Variants in WAC observed in about 807,000 individuals in gnomAD.
WAC encodes the protein WW domain-containing adapter protein with coiled-coil.
A neutral mutation model predicts 79.6 loss-of-function variants in WAC; 11 were observed. That is an observed-to-expected ratio of 0.14 (90% CI 0.09 to 0.23). The LOEUF (loss-of-function observed/expected upper bound fraction) is 0.23. WAC is among the 10% of genes least tolerant of loss of function. The pLI is 1.00. For synonymous variants in WAC, 304 were observed against 276.9 expected, an observed-to-expected ratio of 1.10 and a Z score of -0.97; for missense variants, 728 against 773.5, an observed-to-expected ratio of 0.94 and a Z score of 0.70.
intron 7 of WAC, among the ~76,000 whole-genome samples, chr10:28,603,943 AT>A (rs59871212): frequency 0.39 from 15,034 of 38,358 alleles, 3,392 homozygotes; most frequent in East Asian, 0.59. Flanking sequence ...CAAAAAAAAA[AT>A]ATATATATGT....
intron 3 of WAC, among the ~76,000 whole-genome samples, chr10:28,545,156 C>G (rs561730822): frequency 2.0e-4 from 30 of 152,058 alleles, no homozygotes; most frequent in Non-Finnish European, 3.5e-4. Flanking sequence ...GACTCCCTCC[C>G]CATTACCCAG....
chr10:28,553,758 A>C (rs1837832348), intron 3 of WAC, among the ~76,000 whole-genome samples: 1 of 152,168 alleles, frequency 6.6e-6, no homozygotes, highest in Non-Finnish European at 1.5e-5. Flanking sequence ...TATTTGGGGG[A>C]ATAAAAGGAT....
chr10:28,614,727 A>G (rs770472101), intron 11 of WAC, 42 bp downstream of exon 11: 1 of 1,430,078 alleles, frequency 7.0e-7, no homozygotes, highest in South Asian at 1.2e-5. Context: ...GTTTTATTTA[A>G]TGATGGTACA....
chr10:28,535,682 A>T lies in WAC; in HGVS notation c.199A>T (p.Asn67Tyr). 6.2e-7 allele frequency: 1 copy of T among 1,614,134 alleles called. No individual in the cohort carries two copies. The highest frequency in any genetic ancestry group is 1.7e-5 in the Admixed American group (1 of 60,020). ...KMLRRSDSPE[N>Y]KYSDSTGHSK... is the part of the protein sequence containing the mutation. The stretch of plus-strand genomic sequence containing the variant: ...GTTGCGGAGATCTGATAGTCCTGAA[A>T]ACAAATACAGTGACAGCACAGGTCA... Residue 67 changes from asparagine to tyrosine, a missense_variant, in exon 3 of 14, where the codon AAC (asparagine) becomes TAC (tyrosine). Around this residue, in one of 3 missense-constraint regions of WAC, gnomAD observed 648 missense variants for 661.5 expected, o/e 0.98. Coordinates refer to ENST00000354911, the MANE Select transcript of WAC (RefSeq NM_016628.5).
At chr10:28,552,514 C>G (rs1022419404) in intron 3 of WAC, among the ~76,000 whole-genome samples, 1 of 152,098 alleles carries the variant, frequency 6.6e-6, no homozygotes. Flanking sequence ...TGTAGTTTTA[C>G]TTTAGAAGAC....
chr10:28,586,108 G>A (rs182535179), intron 4 of WAC, among the ~76,000 whole-genome samples: 1 of 152,242 alleles, frequency 6.6e-6, no homozygotes, highest in East Asian at 1.9e-4. Flanking sequence ...GATACAAACA[G>A]CCCTTATGAA....
chr10:28,538,354 G>A, intron 3 of WAC: 1 of 304,922 alleles, frequency 3.3e-6, no homozygotes, highest in South Asian at 2.4e-5. Context: ...GGCCGAGGCA[G>A]GCAGATCACC....
chr10:28,550,572 T>A (rs1216028859), intron 3 of WAC, among the ~76,000 whole-genome samples: 5 of 152,168 alleles, frequency 3.3e-5, no homozygotes, highest in African/African-American at 7.2e-5. Context: ...TATATATATG[T>A]GCTCAGTAAA....
Position 28,534,030 on chromosome 10 carries a change from A to G in WAC, c.74A>G (p.Tyr25Cys), listed in dbSNP as rs1216442144. ...CHDRRGDSQP[Y>C]QALKYSSKSH... Reference sequence around the variant, plus strand: ...GACCGGAGGGGGGACTCGCAGCCTTACCAGGTACCAGCCGAGGCCGGGGTG... The same window carrying G: ...GACCGGAGGGGGGACTCGCAGCCTTGCCAGGTACCAGCCGAGGCCGGGGTG... Residue 25 changes from tyrosine (Y) to cysteine (C), a missense_variant, in exon 2 of 14, where the codon TAC (tyrosine) becomes TGC (cysteine). Transcript: ENST00000354911. The G allele has an allele frequency of 2.5e-6, 4 of 1,586,816 alleles. No individual in the cohort carries two copies. The highest frequency in any genetic ancestry group is 3.4e-6 in the Non-Finnish European group (4 of 1,168,048).
chr10:28,568,256 A>G (rs1838758829), intron 3 of WAC, among the ~76,000 whole-genome samples: 1 of 152,224 alleles, frequency 6.6e-6, no homozygotes, highest in Admixed American at 6.5e-5. Context: ...TGTCGGATTC[A>G]TCTGAGTTGT....
chr10:28,606,009 A>G (rs1365751429), intron 7 of WAC, among the ~76,000 whole-genome samples: 1 of 151,890 alleles, frequency 6.6e-6, no homozygotes, highest in Non-Finnish European at 1.5e-5. Flanking sequence ...AATATGCTCT[A>G]TAATTGATTG....
intron 3 of WAC, among the ~76,000 whole-genome samples, chr10:28,568,665 G>A (rs1288417685): frequency 2.0e-5 from 3 of 151,986 alleles, no homozygotes; most frequent in East Asian, 3.9e-4. Context: ...TTTACATTAG[G>A]TATATCTCCT....
At chr10:28,552,719 T>G (rs1471451567) in intron 3 of WAC, among the ~76,000 whole-genome samples, 4 of 152,084 alleles carry the variant, frequency 2.6e-5, no homozygotes, top group Non-Finnish European at 5.9e-5. Context: ...TGGTAGAGAG[T>G]ATTGTTAACT....
intron 3 of WAC, among the ~76,000 whole-genome samples, chr10:28,573,118 A>ATTT (rs35055587): frequency 1.9e-4 from 28 of 151,176 alleles, no homozygotes; most frequent in East Asian, 3.9e-4. Context: ...TTACATGGCT[A>ATTT]TTTTTTTTTC....
intron 3 of WAC, among the ~76,000 whole-genome samples, chr10:28,536,992 T>G (rs1021296555): frequency 6.6e-6 from 1 of 152,214 alleles, no homozygotes; most frequent in African/African-American, 2.4e-5. Context: ...TCTTGCCCCT[T>G]TTGTCCACCT....
chr10:28,619,650 ATCTGT>A lies in WAC; in HGVS notation c.*46_*50del. On this transcript the variant is annotated 3_prime_UTR_variant, in exon 14 of 14. Coordinates refer to ENST00000354911, the MANE Select transcript of WAC (RefSeq NM_016628.5). ...ATGGTTTTGAGAACAGGAACTGTAAATCTGTTGCCCAATCTTAACATTTTTGAGCT... is the reference window on the plus strand; with the variant it reads ...ATGGTTTTGAGAACAGGAACTGTAAATGCCCAATCTTAACATTTTTGAGCT... 1 of 1,493,870 alleles carries A rather than the reference ATCTGT, an allele frequency of 6.7e-7. No individual in the cohort carries two copies. Among genetic ancestry groups the A allele is most frequent in the Non-Finnish European group, 9.0e-7 (1 of 1,115,026 alleles). 92.5% of individuals were successfully genotyped at this position (1,493,870 alleles called of 1,614,324 possible). A position where few individuals can be genotyped will look rare whatever the true frequency, so the allele number is the denominator to read the frequency against.
intron 13 of WAC, among the ~76,000 whole-genome samples, chr10:28,618,456 A>G (rs1055387179): frequency 3.3e-5 from 5 of 152,232 alleles, no homozygotes; most frequent in Non-Finnish European, 5.9e-5. Flanking sequence ...GTTTATTTAC[A>G]GTTACTAAAA....
chr10:28,538,304 C>A (rs1467044479), intron 3 of WAC: 2 of 333,286 alleles, frequency 6.0e-6, no homozygotes, highest in African/African-American at 2.2e-5. Flanking sequence ...TGAATTCAGG[C>A]CGGGTCAGTG....
chr10:28,603,934 A>G (rs1564413392), intron 7 of WAC, among the ~76,000 whole-genome samples: 1 of 21,340 alleles, frequency 4.7e-5, no homozygotes, highest in Non-Finnish European at 7.3e-5. Context: ...ACTCCGTCTC[A>G]AAAAAAAAAT....
Sources: gnomAD v4.1 joint callset for allele counts (sites outside exome capture counted in the v4.1 genomes callset) on GRCh38, gnomAD v4.1.1 for gene constraint, gnomAD v4.1.1 regional missense constraint, MANE v1.5 for transcripts, NCBI Gene and HGNC (gene_info 2026-07-23, HGNC 2026-07-21) for gene names.